Variants in KCNG3 observed in about 807,000 individuals in gnomAD.
KCNG3 encodes potassium voltage-gated channel modifier subfamily G member 3.
KCNG3 carries 15 observed loss-of-function variants against 29.0 expected under a neutral mutation model. The ratio of observed to expected loss-of-function variants is 0.52; its 90% confidence interval spans 0.35 to 0.80. The LOEUF (loss-of-function observed/expected upper bound fraction) is 0.80, where lower values mean the gene tolerates loss of function less well. Ranked by LOEUF, KCNG3 falls within the 30% of genes least tolerant of loss-of-function variation. The pLI is 0.01. For synonymous variants in KCNG3, 322 were observed against 248.9 expected (o/e 1.29, Z -2.76); for missense variants, 512 against 605.7 (o/e 0.85, Z 1.62).
At chr2:42,488,379 T>G (rs187024624) in intron 1 of KCNG3, among the ~76,000 whole-genome samples, 19 of 152,134 alleles carry the variant, frequency 1.2e-4, no homozygotes, top group Non-Finnish European at 2.5e-4. Flanking sequence ...CCTTGATTTT[T>G]TTGTTGTTTT....
At chr2:42,405,828 G>A in the KCNG3 span, among the ~76,000 whole-genome samples, 8 of 151,990 alleles carry the variant, frequency 5.3e-5, no homozygotes, top group Non-Finnish European at 8.8e-5. Context: ...GGATGGTCTC[G>A]ATCTCCTGAC....
chr2:42,414,929 G>T, the KCNG3 span, among the ~76,000 whole-genome samples: 1 of 152,056 alleles, frequency 6.6e-6, no homozygotes, highest in African/African-American at 2.4e-5. Flanking sequence ...CAGTTCATCT[G>T]TTATATCTTT....
At chr2:42,440,698 TA>T (rs1157329909), downstream of KCNG3, among the ~76,000 whole-genome samples, 6 of 152,204 alleles carry the variant, frequency 3.9e-5, no homozygotes, top group African/African-American at 1.4e-4. Flanking sequence ...AATGGGTACT[TA>T]TAGGTAATGA....
At chr2:42,425,832 T>C in the KCNG3 span, among the ~76,000 whole-genome samples, 2 of 152,200 alleles carry the variant, frequency 1.3e-5, no homozygotes, top group Admixed American at 6.5e-5. Context: ...GGAGACACCT[T>C]TGTGCTTCAT....
chr2:42,476,532 G>A (rs1673430799), intron 1 of KCNG3, among the ~76,000 whole-genome samples: 2 of 151,890 alleles, frequency 1.3e-5, no homozygotes, highest in South Asian at 4.2e-4. Flanking sequence ...TGTCACCCCA[G>A]CTGGAGTGCA....
intron 1 of KCNG3, among the ~76,000 whole-genome samples, chr2:42,481,929 C>T (rs762893160): frequency 1.3e-5 from 2 of 152,204 alleles, no homozygotes; most frequent in East Asian, 1.9e-4. Context: ...CTTCATAACA[C>T]TTATCGCCCT....
At chr2:42,402,483 C>T in the KCNG3 span, among the ~76,000 whole-genome samples, 1 of 152,152 alleles carries the variant, frequency 6.6e-6, no homozygotes, top group Non-Finnish European at 1.5e-5. Context: ...CCCACTAGTT[C>T]AAGACCAGCC....
the KCNG3 span, among the ~76,000 whole-genome samples, chr2:42,407,875 C>T: frequency 2.0e-5 from 3 of 152,162 alleles, no homozygotes; most frequent in African/African-American, 7.2e-5. Context: ...GCAGCTGCAG[C>T]CACCCAAACC....
At chr2:42,487,398 G>A (rs1673752716) in intron 1 of KCNG3, among the ~76,000 whole-genome samples, 1 of 134,870 alleles carries the variant, frequency 7.4e-6, no homozygotes, top group African/African-American at 2.8e-5. Context: ...AGGCTGGAAT[G>A]CAGTGGCGTG....
At chr2:42,406,217 C>G in the KCNG3 span, among the ~76,000 whole-genome samples, 1 of 151,828 alleles carries the variant, frequency 6.6e-6, no homozygotes, top group African/African-American at 2.4e-5. Context: ...CCTTTTTTAA[C>G]ACATTAATTT....
chr2:42,471,695 A>G (rs1673292300), intron 1 of KCNG3, among the ~76,000 whole-genome samples: 1 of 152,076 alleles, frequency 6.6e-6, no homozygotes, highest in Non-Finnish European at 1.5e-5. Context: ...ATGCAGATAA[A>G]TGTTTTTAAA....
chr2:42,441,443 A>T (rs1228860151), downstream of KCNG3, among the ~76,000 whole-genome samples: 1 of 152,152 alleles, frequency 6.6e-6, no homozygotes, highest in Non-Finnish European at 1.5e-5. Context: ...AGGGAACGTT[A>T]CAATAAAATG....
chr2:42,439,595 A>G (rs371152737), downstream of KCNG3, among the ~76,000 whole-genome samples: 7 of 150,172 alleles, frequency 4.7e-5, no homozygotes, highest in East Asian at 5.9e-4. Context: ...GTTAAAAAAA[A>G]AAAAGAAAAA....
At chr2:42,439,594 A>AAAAAG (rs1672432601), downstream of KCNG3, among the ~76,000 whole-genome samples, 1 of 150,506 alleles carries the variant, frequency 6.6e-6, no homozygotes, top group African/African-American at 2.4e-5. Context: ...CGTTAAAAAA[A>AAAAAG]AAAAAGAAAA....
At chr2:42,460,241 T>C (rs568827274) in intron 1 of KCNG3, among the ~76,000 whole-genome samples, 8 of 151,430 alleles carry the variant, frequency 5.3e-5, no homozygotes, top group African/African-American at 1.9e-4. Flanking sequence ...CCTGTAGCCC[T>C]AGCTACTCAG....
the KCNG3 span, among the ~76,000 whole-genome samples, chr2:42,418,290 T>C: frequency 1.3e-5 from 2 of 152,208 alleles, no homozygotes; most frequent in African/African-American, 2.4e-5. Context: ...CATTCCATTT[T>C]AAGGTTAATA....
the KCNG3 span, among the ~76,000 whole-genome samples, chr2:42,430,366 AT>A: frequency 1.9e-4 from 5 of 26,594 alleles, no homozygotes; most frequent in Non-Finnish European, 4.0e-4. Flanking sequence ...TGTCTTAAAA[AT>A]AAATAAATAA....
In KCNG3 at chr2:42,445,396, G is replaced by A. The variant is rs544721986; in HGVS notation, c.666-817C>T. ...AAGATCATTTCCTAAAACGTGAATC[G>A]TCCTTCCTTCCCAATAGGCTTGTAT... is the stretch of plus-strand genomic sequence containing the variant. On this transcript the variant is annotated intron_variant, in intron 1 of 1. Transcript: ENST00000306078. Among the ~76,000 whole-genome samples the A allele has an allele frequency of 3.8e-4, 58 of 152,162 alleles. 1 individual carries two copies. The highest frequency in any genetic ancestry group is 2.9e-3 in the Admixed American group (44 of 15,280).
At chr2:42,409,787 C>G in the KCNG3 span, among the ~76,000 whole-genome samples, 2 of 150,778 alleles carry the variant, frequency 1.3e-5, no homozygotes, top group African/African-American at 4.9e-5. Context: ...TCCTTAAACC[C>G]AATGCATCCC....
Sources: allele counts gnomAD v4.1 joint callset (sites outside exome capture counted in the v4.1 genomes callset), GRCh38; gene constraint gnomAD v4.1.1; transcripts MANE v1.5; gene names NCBI Gene and HGNC (gene_info 2026-07-23, HGNC 2026-07-21).